TECTA: variants seen among roughly 807,000 people sequenced by gnomAD.
TECTA encodes tectorin alpha, also known as alpha-tectorin.
TECTA carries 128 observed loss-of-function variants against 216.8 expected under a neutral mutation model. That is an observed-to-expected ratio of 0.59 (90% CI 0.51 to 0.68). The LOEUF is 0.68. TECTA is among the 30% of genes least tolerant of loss of function. The pLI is 0.00. For synonymous variants in TECTA, 1,089 were observed against 1,117.1 expected (o/e 0.97, Z 0.50); for missense variants, 2,551 against 2,786.2 (o/e 0.92, Z 1.90).
intron 4 of TECTA, 83 bp from the exon 5 acceptor site, chr11:121,112,989 G>A: frequency 6.4e-7 from 1 of 1,571,118 alleles, no homozygotes; most frequent in Non-Finnish European, 8.7e-7. Flanking sequence ...GGTGGGGAGG[G>A]CGCAGGGTGA....
At chr11:121,171,804 A>C (rs1027731550) in intron 20 of TECTA, among the ~76,000 whole-genome samples, 1 of 152,058 alleles carries the variant, frequency 6.6e-6, no homozygotes. Context: ...CTGTTCTAAG[A>C]GTTTTTGATT....
chr11:121,136,050 C>T (rs1201274434), intron 10 of TECTA, among the ~76,000 whole-genome samples: 1 of 152,012 alleles, frequency 6.6e-6, no homozygotes, highest in Non-Finnish European at 1.5e-5. Context: ...CTGCCACCTC[C>T]CAGGTTCGAG....
At chr11:121,139,421 G>A (rs765859313) in intron 11 of TECTA, among the ~76,000 whole-genome samples, 33 of 152,204 alleles carry the variant, frequency 2.2e-4, no homozygotes, top group Non-Finnish European at 4.7e-4. Flanking sequence ...GGCTGAGCAC[G>A]GTGGCTCATG....
At chr11:121,157,725 C>A in intron 13 of TECTA, 116 bp from the exon 14 acceptor site, 2 of 1,474,864 alleles carry the variant, frequency 1.4e-6, no homozygotes, top group Non-Finnish European at 1.9e-6. Flanking sequence ...CCTACAAATT[C>A]CAGCCCCATT....
intron 10 of TECTA, among the ~76,000 whole-genome samples, chr11:121,136,184 C>T (rs1161370898): frequency 1.3e-5 from 2 of 152,128 alleles, no homozygotes; most frequent in African/African-American, 4.8e-5. Flanking sequence ...CTGTCTTGAA[C>T]TCCTGACCTC....
At chr11:121,108,761 C>A (rs1311120596) in intron 3 of TECTA, among the ~76,000 whole-genome samples, 2 of 151,478 alleles carry the variant, frequency 1.3e-5, no homozygotes, top group African/African-American at 4.9e-5. Flanking sequence ...CCAGTACACA[C>A]ACACACACCA....
chr11:121,184,771 C>T (rs935111542), intron 20 of TECTA, among the ~76,000 whole-genome samples: 23 of 152,106 alleles, frequency 1.5e-4, no homozygotes, highest in African/African-American at 5.6e-4. Flanking sequence ...CTGAGGTGTA[C>T]TGTGGAATTT....
rs748063205 is a variant in TECTA, at chr11:121,113,554, C to T, written c.626C>T (p.Ala209Val). The T allele has an allele frequency of 8.1e-6, 13 of 1,613,986 alleles. No individual in the cohort carries two copies. Among genetic ancestry groups the T allele is most frequent in the Non-Finnish European group, 9.3e-6 (11 of 1,180,016 alleles). ...LTGLGGVMAQAGFNGGNLTNF... is the reference protein window; with the variant it reads ...LTGLGGVMAQVGFNGGNLTNF... ...TCTTGTCTTCCTTTTGTGCTGCAGG[C>T]AGGATTTAATGGTGGAAACCTCACC... Residue 209 changes from alanine to valine, a missense_variant and splice_region_variant, in exon 6 of 24, where the codon GCA becomes GTA. Ala to Val is a moderately conservative substitution (Grantham distance 64). Transcript: ENST00000392793. This position sits in a 1 kb window ranked among gnomAD's most constrained non-coding sequence, Gnocchi z 4.2.
At chr11:121,157,169 T>C (rs1163744263) in intron 13 of TECTA, among the ~76,000 whole-genome samples, 1 of 152,222 alleles carries the variant, frequency 6.6e-6, no homozygotes, top group Admixed American at 6.5e-5. Context: ...AGTCTGTACT[T>C]GTTAGAAGTG....
chr11:121,189,942 A>C (rs1947325852), intron 23 of TECTA, 62 bp downstream of exon 23: 1 of 1,404,966 alleles, frequency 7.1e-7, no homozygotes, highest in Non-Finnish European at 1.0e-6. Context: ...TTACCACCAG[A>C]AGGAGAAATT....
intron 20 of TECTA, among the ~76,000 whole-genome samples, chr11:121,178,635 C>T (rs1250527154): frequency 1.3e-5 from 2 of 148,198 alleles, no homozygotes; most frequent in Non-Finnish European, 3.0e-5. Flanking sequence ...CCCCAAATTC[C>T]TTCATCTTCA....
Position 121,105,847 on chromosome 11 carries a change from C to T in TECTA, c.81C>T (p.Leu27=). 2 of 1,614,176 alleles carry T rather than the reference C, an allele frequency of 1.2e-6. No individual in the cohort carries two copies. Among genetic ancestry groups the T allele is most frequent in the Non-Finnish European group, 1.7e-6 (2 of 1,180,026 alleles). Reference sequence around the variant, plus strand: ...TCTTGACAGCTCAGCCCAGGGAGCTCATGTATCCATTTTGGCAGAATGACA... The same window carrying T: ...TCTTGACAGCTCAGCCCAGGGAGCTTATGTATCCATTTTGGCAGAATGACA... The part of the protein sequence containing the change: ...LVQHQAQPRE[L]MYPFWQNDTK... Residue 27 remains leucine, a synonymous_variant, in exon 3 of 24, where the codon CTC becomes CTT. Transcript: ENST00000392793. This position sits in a 1 kb window ranked among gnomAD's most constrained non-coding sequence, Gnocchi z 5.3.
chr11:121,139,079 C>T (rs1946759056), intron 11 of TECTA, among the ~76,000 whole-genome samples: 1 of 152,146 alleles, frequency 6.6e-6, no homozygotes, highest in Non-Finnish European at 1.5e-5. Context: ...ATTCCCAAGC[C>T]TCTTGAATTA....
In TECTA at chr11:121,165,490, A is replaced by G. The variant is rs758519531; in HGVS notation, c.5383+107A>G. 5 of 852,640 alleles carry G rather than the reference A, an allele frequency of 5.9e-6. No homozygotes were observed. In the East Asian group the frequency reaches 1.1e-4, roughly 18 times the overall value. The allele number at this position is 852,640 out of a possible 1,614,324, so 52.8% of individuals were successfully genotyped here. A position where few individuals can be genotyped will look rare whatever the true frequency, so the allele number is the denominator to read the frequency against. ...TTTGTGAAGCTTTCCCAAATAGTGA[A>G]GCTTTCAGGAGCATTTAAGCAGAAC... On this transcript the variant is annotated intron_variant, in intron 17 of 23. Coordinates refer to ENST00000392793, the MANE Select transcript of TECTA (RefSeq NM_005422.4).
Position 121,190,886 on chromosome 11 carries a change from T to G in TECTA, c.*80T>G. On this transcript the variant is annotated 3_prime_UTR_variant, in exon 24 of 24. Transcript: ENST00000392793. ...AGGATAAAAAGTGTGTGCCCTTAAG[T>G]CAAAACCTATTTGAAAGTGTCCAGC... The G allele has an allele frequency of 1.8e-6, 2 of 1,100,526 alleles. No individual in the cohort carries two copies. Among genetic ancestry groups the G allele is most frequent in the Non-Finnish European group, 2.7e-6 (2 of 746,396 alleles). The allele number at this position is 1,100,526 out of a possible 1,614,324, so 68.2% of individuals were successfully genotyped here. A position where few individuals can be genotyped will look rare whatever the true frequency, so the allele number is the denominator to read the frequency against.
Position 121,146,054 on chromosome 11 carries a change from A to G in TECTA, c.4043A>G (p.Tyr1348Cys). The change falls in exon 12 of 24, where the codon TAC becomes TGC. Residue 1348 changes from tyrosine (Y) to cysteine (C), a missense_variant. Coordinates refer to ENST00000392793, the MANE Select transcript of TECTA (RefSeq NM_005422.4). ...VQTACSWLQNYASTCQTQGIT... is the reference protein window; with the variant it reads ...VQTACSWLQNCASTCQTQGIT... Reference sequence around the variant, plus strand: ...ACCGCCTGCAGCTGGCTGCAGAACTACGCCAGCACCTGCCAGACTCAGGGG... The same window carrying G: ...ACCGCCTGCAGCTGGCTGCAGAACTGCGCCAGCACCTGCCAGACTCAGGGG... The G allele has an allele frequency of 6.2e-7, 1 of 1,613,486 alleles. No individual in the cohort carries two copies. The highest frequency in any genetic ancestry group is 8.5e-7 in the Non-Finnish European group (1 of 1,180,036).
intron 20 of TECTA, among the ~76,000 whole-genome samples, chr11:121,173,347 A>T (rs1437829413): frequency 2.0e-5 from 3 of 148,852 alleles, no homozygotes; most frequent in Admixed American, 1.3e-4. Context: ...TCTTTAATCC[A>T]TCTTGAATTA....
Position 121,146,008 on chromosome 11 carries a change from A to T in TECTA, c.3997A>T (p.Ile1333Phe). ...TAAGAACTGCCTGTTTGACTCTTGCATCGATGGGGGCGCGGTGCAGACCGC... is the reference window on the plus strand; with the variant it reads ...TAAGAACTGCCTGTTTGACTCTTGCTTCGATGGGGGCGCGGTGCAGACCGC... ...FYKNCLFDSC[I>F]DGGAVQTACS... The change falls in exon 12 of 24, where the codon ATC becomes TTC. Residue 1333 changes from isoleucine to phenylalanine, a missense_variant. Transcript: ENST00000392793. 6.2e-7 allele frequency: 1 copy of T among 1,614,184 alleles called. No homozygotes were observed. Among genetic ancestry groups the T allele is most frequent in the African/African-American group, 1.3e-5 (1 of 75,078 alleles).
intron 7 of TECTA, among the ~76,000 whole-genome samples, chr11:121,120,151 CTCAG>C (rs1946543215): frequency 1.3e-5 from 2 of 151,742 alleles, no homozygotes; most frequent in South Asian, 2.1e-4. Flanking sequence ...CTTTTTTATT[CTCAG>C]TCAGATTTTT....
Sources: gnomAD v4.1 joint callset for allele counts (sites outside exome capture counted in the v4.1 genomes callset) on GRCh38, gnomAD v4.1.1 for gene constraint, Gnocchi (gnomAD v3.1) non-coding constraint, MANE v1.5 for transcripts, NCBI Gene and HGNC (gene_info 2026-07-23, HGNC 2026-07-21) for gene names.